The following PRKACB variants were observed in gnomAD, a reference collection of about 807,000 sequenced individuals.
PRKACB encodes the protein cAMP-dependent protein kinase catalytic subunit beta.
In PRKACB, 16 loss-of-function variants were observed where a neutral mutation model predicts 51.4. The observed-to-expected ratio is 0.31, with a 90% CI of 0.21 to 0.47. The LOEUF (loss-of-function observed/expected upper bound fraction) is 0.47. PRKACB is among the 20% of genes least tolerant of loss of function. The pLI is 1.00. For synonymous variants in PRKACB, 147 were observed against 154.4 expected (o/e 0.95, Z 0.35); for missense variants, 309 against 464.5 (o/e 0.67, Z 3.08).
intron 1 of PRKACB, among the ~76,000 whole-genome samples, chr1:84,157,052 C>T (rs1032809791): frequency 1.3e-4 from 20 of 152,162 alleles, no homozygotes; most frequent in African/African-American, 4.8e-4. Context: ...TTGTAAGCCA[C>T]AGACCTATCA....
At chr1:84,166,742 T>C (rs1037451914) in intron 1 of PRKACB, among the ~76,000 whole-genome samples, 1 of 151,712 alleles carries the variant, frequency 6.6e-6, no homozygotes, top group Non-Finnish European at 1.5e-5. Context: ...ACATGTGATA[T>C]TTATGTGTAC....
intron 1 of PRKACB, among the ~76,000 whole-genome samples, chr1:84,153,839 TAC>T (rs1277247706): frequency 6.6e-6 from 1 of 152,114 alleles, no homozygotes; most frequent in African/African-American, 2.4e-5. Flanking sequence ...AACATGGGAG[TAC>T]AGATATCTAG....
chr1:84,098,240 G>A (rs891649021), intron 1 of PRKACB, among the ~76,000 whole-genome samples: 35 of 151,978 alleles, frequency 2.3e-4, no homozygotes, highest in African/African-American at 7.7e-4. Flanking sequence ...TTATACGTAC[G>A]CATAGTTTAT....
In PRKACB at chr1:84,107,013, A is replaced by G. The variant is rs565825621; in HGVS notation, c.46+28642A>G. 1.4e-4 allele frequency among the ~76,000 whole-genome samples: 21 copies of G among 152,194 alleles called. No homozygotes were observed. The East Asian group carries it at 3.7e-3, about 27-fold the overall frequency. On this transcript the variant is annotated intron_variant, in intron 1 of 8. Transcript: ENST00000370688. ...TAAAAAGGAAAACAAATGAACAAAC[A>G]AAAAAACCAAACCTGTTGAGTAGTA...
chr1:84,110,846 G>A (rs368381704), intron 1 of PRKACB, among the ~76,000 whole-genome samples: 165 of 151,990 alleles, frequency 1.1e-3, no homozygotes, highest in African/African-American at 3.9e-3. Flanking sequence ...TTCCTATTTT[G>A]GTGAAAATGA....
At chr1:84,227,928 G>A (rs1390890084) in intron 9 of PRKACB, among the ~76,000 whole-genome samples, 3 of 152,222 alleles carry the variant, frequency 2.0e-5, no homozygotes, top group South Asian at 4.2e-4. Flanking sequence ...AAAAAAAAAG[G>A]CAGAAGAAAG....
At chr1:84,148,755 T>A (rs1395689785) in intron 1 of PRKACB, among the ~76,000 whole-genome samples, 1 of 152,190 alleles carries the variant, frequency 6.6e-6, no homozygotes, top group Non-Finnish European at 1.5e-5. Flanking sequence ...GCAGACTTTA[T>A]AGTAAAACTA....
chr1:84,120,060 C>T (rs897151889), intron 1 of PRKACB, among the ~76,000 whole-genome samples: 15 of 152,010 alleles, frequency 9.9e-5, no homozygotes, highest in African/African-American at 3.4e-4. Flanking sequence ...CTTTCCTTTT[C>T]GGCCTGTATT....
intron 1 of PRKACB, among the ~76,000 whole-genome samples, chr1:84,095,361 A>C (rs1251587783): frequency 6.7e-6 from 1 of 148,720 alleles, no homozygotes; most frequent in African/African-American, 2.5e-5. Flanking sequence ...GTTTTTATTT[A>C]TCTGGATTTG....
chr1:84,196,576 C>A (rs1668304098), intron 5 of PRKACB, 40 bp from the exon 6 acceptor site: 1 of 1,591,904 alleles, frequency 6.3e-7, no homozygotes, highest in Non-Finnish European at 8.6e-7. Context: ...AATGTATTAA[C>A]TCATTTTTAC....
chr1:84,219,450 C>G (rs1424875281), intron 9 of PRKACB, among the ~76,000 whole-genome samples: 1 of 151,934 alleles, frequency 6.6e-6, no homozygotes, highest in Non-Finnish European at 1.5e-5. Flanking sequence ...GTCTCGAACT[C>G]CTGACCTGCC....
chr1:84,133,352 A>C (rs985628714), intron 1 of PRKACB, among the ~76,000 whole-genome samples: 4 of 152,152 alleles, frequency 2.6e-5, no homozygotes, highest in Non-Finnish European at 5.9e-5. Context: ...AAGGTTATTC[A>C]TTGCCAACAG....
chr1:84,127,430 C>G (rs962753614), intron 1 of PRKACB, among the ~76,000 whole-genome samples: 1 of 152,096 alleles, frequency 6.6e-6, no homozygotes, highest in African/African-American at 2.4e-5. Flanking sequence ...TTCAGCTCTG[C>G]AGGAGGGATA....
chr1:84,174,409 A>G (rs1660559704), intron 1 of PRKACB, among the ~76,000 whole-genome samples: 1 of 151,808 alleles, frequency 6.6e-6, no homozygotes, highest in South Asian at 2.1e-4. Context: ...ACAGCACCTT[A>G]TAATTGCCTT....
chr1:84,161,158 C>A (rs145849975), intron 1 of PRKACB, among the ~76,000 whole-genome samples: 118 of 151,922 alleles, frequency 7.8e-4, no homozygotes, highest in South Asian at 3.3e-3. Flanking sequence ...CTGTTCAATG[C>A]ATATGCATTT....
At chr1:84,131,218 G>A (rs552554995) in intron 1 of PRKACB, among the ~76,000 whole-genome samples, 6 of 152,112 alleles carry the variant, frequency 3.9e-5, no homozygotes, top group African/African-American at 1.2e-4. Flanking sequence ...TTAGGTAGTC[G>A]TGGTGGCGCG....
At chr1:84,163,353 A>C (rs939757487) in intron 1 of PRKACB, among the ~76,000 whole-genome samples, 5 of 152,000 alleles carry the variant, frequency 3.3e-5, no homozygotes, top group Non-Finnish European at 7.4e-5. Context: ...CATTTACCCC[A>C]TGCTATGTTT....
chr1:84,161,696 CTT>C (rs762838385), intron 1 of PRKACB, among the ~76,000 whole-genome samples: 27 of 151,798 alleles, frequency 1.8e-4, no homozygotes, highest in Non-Finnish European at 3.1e-4. Flanking sequence ...ATAGTACTGA[CTT>C]AATTCTAGTG....
At chr1:84,209,659 G>A (rs971186753) in intron 8 of PRKACB, among the ~76,000 whole-genome samples, 10 of 152,040 alleles carry the variant, frequency 6.6e-5, no homozygotes, top group African/African-American at 1.4e-4. Flanking sequence ...AGTAAAAGTC[G>A]AAGACCTTAC....
Sources: gnomAD v4.1 joint callset for allele counts (sites outside exome capture counted in the v4.1 genomes callset) on GRCh38, gnomAD v4.1.1 for gene constraint, MANE v1.5 for transcripts, NCBI Gene and HGNC (gene_info 2026-07-23, HGNC 2026-07-21) for gene names.